Variants in ZFHX3 observed in about 807,000 individuals in gnomAD.
ZFHX3 encodes the protein zinc finger homeobox 3.
Under a neutral mutation model 279.1 loss-of-function variants are expected in ZFHX3, and 42 were observed. The observed-to-expected ratio is 0.15, with a 90% CI of 0.12 to 0.19. The LOEUF (loss-of-function observed/expected upper bound fraction) is 0.19. ZFHX3 is among the 10% of genes least tolerant of loss of function. The probability of loss-of-function intolerance (pLI) is 1.00; values close to 1 mark genes in which losing one functional copy is unlikely to be tolerated. For missense variants in ZFHX3, 4,981 were observed against 4,754.0 expected, an observed-to-expected ratio of 1.05 and a Z score of -1.40; for synonymous variants, 2,293 against 1,957.8, an observed-to-expected ratio of 1.17 and a Z score of -4.52.
At chr16:73,245,199 C>G (rs1456904737) in intron 5 of ZFHX3, among the ~76,000 whole-genome samples, 2 of 152,226 alleles carry the variant, frequency 1.3e-5, no homozygotes, top group African/African-American at 4.8e-5. Context: ...TCTGTCTCCT[C>G]TTGCAAGATG....
chr16:73,514,016 A>G (rs1463043039), intron 2 of ZFHX3, among the ~76,000 whole-genome samples: 1 of 152,212 alleles, frequency 6.6e-6, no homozygotes, highest in African/African-American at 2.4e-5. Flanking sequence ...TGGGAGGCCA[A>G]GGCAGTCAGA....
At chr16:72,992,423 C>T (rs1963125593) in intron 1 of ZFHX3, among the ~76,000 whole-genome samples, 2 of 152,214 alleles carry the variant, frequency 1.3e-5, no homozygotes, top group East Asian at 3.9e-4. Flanking sequence ...CTGACCTTTG[C>T]TGACAGGCTC....
rs2035292916 is a variant in ZFHX3 at position 72,784,911 on chromosome 16, CTAAAAAAG to C, written c.*2245_*2252del. 1 of 152,186 alleles carries C rather than the reference CTAAAAAAG, an allele frequency of 6.6e-6. No individual in the cohort carries two copies. Among genetic ancestry groups the C allele is most frequent in the Non-Finnish European group, 1.5e-5 (1 of 67,990 alleles). 9.4% of individuals were successfully genotyped at this position (152,186 alleles called of 1,614,324 possible). On this transcript the variant is annotated 3_prime_UTR_variant, in exon 10 of 10. Coordinates refer to ENST00000268489, the MANE Select transcript of ZFHX3 (RefSeq NM_006885.4). ...ATTCATAAAAATAAAATAGTCCCGGCTAAAAAAGAAAAAAAGAAAAAAAATCCATTTTC... is the reference window on the plus strand; with the variant it reads ...ATTCATAAAAATAAAATAGTCCCGGCAAAAAAAGAAAAAAAATCCATTTTC...
chr16:72,808,524 T>G (rs1471795560), intron 7 of ZFHX3, among the ~76,000 whole-genome samples: 1 of 152,256 alleles, frequency 6.6e-6, no homozygotes, highest in South Asian at 2.1e-4. Flanking sequence ...TATGATTACA[T>G]TTCTCATAAC....
At chr16:73,339,752 A>T (rs1170331900) in intron 3 of ZFHX3, among the ~76,000 whole-genome samples, 1 of 152,212 alleles carries the variant, frequency 6.6e-6, no homozygotes, top group African/African-American at 2.4e-5. Flanking sequence ...ATGAACTGAC[A>T]TACAAGGGCT....
In ZFHX3 at chr16:72,788,074, G is replaced by A. The variant is rs2035522749; in HGVS notation, c.10202C>T (p.Thr3401Ile). Reference sequence around the variant, plus strand: ...GGAAGGAGCCCCGGGGGGGACTGGGGTTTGGCTTGCTTTGGGCTGCTGCTG... The same window carrying A: ...GGAAGGAGCCCCGGGGGGGACTGGGATTTGGCTTGCTTTGGGCTGCTGCTG... ...VQQQQPKASQTPVPPGAPSPD... is the reference protein window; with the variant it reads ...VQQQQPKASQIPVPPGAPSPD... The change falls in exon 10 of 10, where the codon ACC (threonine) becomes ATC (isoleucine). Residue 3401 changes from threonine to isoleucine, a missense_variant. By Grantham distance (89) the Thr-to-Ile change is moderately conservative. Transcript: ENST00000268489. 1 of 1,611,922 alleles carries A rather than the reference G, an allele frequency of 6.2e-7. No individual in the cohort carries two copies. The highest frequency in any genetic ancestry group is 1.3e-5 in the African/African-American group (1 of 74,888).
At chr16:73,709,499 G>T (rs1481739798) in intron 1 of ZFHX3, among the ~76,000 whole-genome samples, 1 of 152,084 alleles carries the variant, frequency 6.6e-6, no homozygotes. Flanking sequence ...GAACCTGGAG[G>T]GTATTATGCT....
At chr16:72,846,060 G>A (rs2037471876) in intron 4 of ZFHX3, among the ~76,000 whole-genome samples, 1 of 152,146 alleles carries the variant, frequency 6.6e-6, no homozygotes, top group Non-Finnish European at 1.5e-5. Context: ...ACCTACCCCA[G>A]GCATTGACAA....
intron 4 of ZFHX3, among the ~76,000 whole-genome samples, chr16:73,258,760 C>G (rs2013734591): frequency 6.6e-6 from 1 of 152,150 alleles, no homozygotes; most frequent in Admixed American, 6.6e-5. Context: ...TGCTTTATAT[C>G]TATGCTTTTG....
At chr16:73,661,006 T>C (rs1356961349) in intron 2 of ZFHX3, among the ~76,000 whole-genome samples, 1 of 152,196 alleles carries the variant, frequency 6.6e-6, no homozygotes, top group African/African-American at 2.4e-5. Flanking sequence ...GATTCTAAAA[T>C]CCTCACAGTG....
At chr16:73,275,511 T>C (rs540748213) in intron 4 of ZFHX3, among the ~76,000 whole-genome samples, 1 of 152,210 alleles carries the variant, frequency 6.6e-6, no homozygotes, top group East Asian at 1.9e-4. Flanking sequence ...TATGTTAAAA[T>C]CCCCATGCAT....
At chr16:73,303,359 C>T (rs2015103379) in intron 4 of ZFHX3, among the ~76,000 whole-genome samples, 1 of 152,174 alleles carries the variant, frequency 6.6e-6, no homozygotes, top group Admixed American at 6.5e-5. Flanking sequence ...AGCTTCTCCA[C>T]TTTGATGAGA....
chr16:72,792,946 G>C (rs2035763113), intron 9 of ZFHX3, among the ~76,000 whole-genome samples: 1 of 152,070 alleles, frequency 6.6e-6, no homozygotes, highest in Non-Finnish European at 1.5e-5. Context: ...TGAATGAAAG[G>C]GTCTATGATA....
chr16:73,540,420 G>A (rs2019990728), intron 2 of ZFHX3, among the ~76,000 whole-genome samples: 1 of 151,550 alleles, frequency 6.6e-6, no homozygotes, highest in South Asian at 2.1e-4. Context: ...TTTTCTTCAG[G>A]TCCCCAAAGA....
intron 1 of ZFHX3, among the ~76,000 whole-genome samples, chr16:72,995,412 G>C (rs1963249475): frequency 6.6e-6 from 1 of 152,126 alleles, no homozygotes; most frequent in African/African-American, 2.4e-5. Flanking sequence ...CTCTTGGAAG[G>C]AAACAGGAAG....
chr16:73,833,179 G>A (rs1300927005), intron 1 of ZFHX3, among the ~76,000 whole-genome samples: 1 of 152,056 alleles, frequency 6.6e-6, no homozygotes, highest in Non-Finnish European at 1.5e-5. Flanking sequence ...CCCAGGCGAC[G>A]TAGCAAGACC....
At chr16:73,792,412 C>T (rs1192532549) in intron 1 of ZFHX3, among the ~76,000 whole-genome samples, 1 of 152,146 alleles carries the variant, frequency 6.6e-6, no homozygotes, top group Non-Finnish European at 1.5e-5. Context: ...CTGCAGCAAC[C>T]AAGAAAGGAG....
At chr16:73,070,663 C>T (rs1965810827) in intron 8 of ZFHX3, among the ~76,000 whole-genome samples, 1 of 151,998 alleles carries the variant, frequency 6.6e-6, no homozygotes, top group Admixed American at 6.6e-5. Flanking sequence ...GTCTGTTTAC[C>T]TGGCAAGGAC....
intron 5 of ZFHX3, among the ~76,000 whole-genome samples, chr16:73,237,145 G>A (rs764412386): frequency 4.6e-5 from 7 of 152,216 alleles, no homozygotes; most frequent in Non-Finnish European, 1.0e-4. Flanking sequence ...GATAATAAGA[G>A]ACAGCTGCAG....
Sources: allele counts gnomAD v4.1 joint callset (sites outside exome capture counted in the v4.1 genomes callset), GRCh38; gene constraint gnomAD v4.1.1; transcripts MANE v1.5; gene names NCBI Gene and HGNC (gene_info 2026-07-23, HGNC 2026-07-21).